The following PCED1B variants were observed in gnomAD, a reference collection of about 807,000 sequenced individuals.
PCED1B encodes the protein PC-esterase domain-containing protein 1B.
For synonymous variants in PCED1B, 251 were observed against 246.1 expected (o/e 1.02, Z -0.19); for missense variants, 573 against 573.9 (o/e 1.00, Z 0.02).
At chr12:47,215,721 C>T (rs73295517) in intron 2 of PCED1B, among the ~76,000 whole-genome samples, 70 of 152,240 alleles carry the variant, frequency 4.6e-4, no homozygotes, top group African/African-American at 1.6e-3. Flanking sequence ...AGCCATTTTT[C>T]CATCAAGACG....
chr12:47,135,891 G>T, intron 2 of PCED1B: 2 of 301,092 alleles, frequency 6.6e-6, no homozygotes, highest in South Asian at 3.5e-5. Context: ...GGTTTGGACA[G>T]TGTGGTTCAT....
chr12:47,177,948 A>C (rs972478366), intron 2 of PCED1B, among the ~76,000 whole-genome samples: 2 of 151,966 alleles, frequency 1.3e-5, no homozygotes, highest in African/African-American at 4.8e-5. Flanking sequence ...CCCTGTCTCA[A>C]AAAAAAAGTT....
chr12:47,112,972 T>C (rs1337315233), intron 2 of PCED1B, among the ~76,000 whole-genome samples: 1 of 152,234 alleles, frequency 6.6e-6, no homozygotes, highest in Non-Finnish European at 1.5e-5. Flanking sequence ...TCCTTTCCTC[T>C]TAACTGATAT....
At chr12:47,161,377 C>T (rs1018383932) in intron 2 of PCED1B, among the ~76,000 whole-genome samples, 4 of 152,186 alleles carry the variant, frequency 2.6e-5, no homozygotes, top group Non-Finnish European at 5.9e-5. Context: ...AAAATCATTT[C>T]ACCACATATG....
At chr12:47,230,037 G>A (rs1027420794) in intron 3 of PCED1B, among the ~76,000 whole-genome samples, 9 of 148,778 alleles carry the variant, frequency 6.0e-5, no homozygotes, top group African/African-American at 2.0e-4. Flanking sequence ...GCCTCCTAAA[G>A]TGCTGGGATT....
At chr12:47,157,206 T>TA (rs975582331) in intron 2 of PCED1B, among the ~76,000 whole-genome samples, 11 of 152,116 alleles carry the variant, frequency 7.2e-5, no homozygotes, top group Admixed American at 5.2e-4. Flanking sequence ...CCTGAACACA[T>TA]AAAAAATCCC....
intron 2 of PCED1B, among the ~76,000 whole-genome samples, chr12:47,160,762 A>G (rs944235823): frequency 3.3e-5 from 5 of 152,166 alleles, no homozygotes; most frequent in Non-Finnish European, 7.4e-5. Context: ...ACTAAAACTC[A>G]TATTGAAACC....
rs568868029 is a variant in PCED1B at position 47,125,055 on chromosome 12, A to G, written c.-526+20860A>G. Among the ~76,000 whole-genome samples the G allele has an allele frequency of 5.9e-5, 9 of 152,038 alleles. 1 individual carries two copies. The South Asian group carries it at 1.9e-3, about 32-fold the overall frequency. On this transcript the variant is annotated intron_variant, in intron 2 of 3. Coordinates refer to ENST00000546455, the MANE Select transcript of PCED1B (RefSeq NM_138371.3). The stretch of plus-strand genomic sequence containing the variant: ...TACCAAGTTTTGTTGTGTGGAGGGT[A>G]TTTTTGGTGTCAAACCTGAGAAATC...
At chr12:47,176,553 T>A (rs1941930729) in intron 2 of PCED1B, among the ~76,000 whole-genome samples, 1 of 152,218 alleles carries the variant, frequency 6.6e-6, no homozygotes, top group Non-Finnish European at 1.5e-5. Context: ...GTCCTATGCA[T>A]CTCTTCCATC....
At chr12:47,213,757 C>T (rs1291981849) in intron 2 of PCED1B, among the ~76,000 whole-genome samples, 3 of 152,116 alleles carry the variant, frequency 2.0e-5, no homozygotes. Flanking sequence ...TAAAAGATGG[C>T]TCACTGAGCT....
chr12:47,181,695 A>G (rs1482492356), intron 2 of PCED1B, among the ~76,000 whole-genome samples: 2 of 152,168 alleles, frequency 1.3e-5, no homozygotes, highest in East Asian at 3.8e-4. Flanking sequence ...TATATATTAG[A>G]AAGAATACTG....
intron 2 of PCED1B, among the ~76,000 whole-genome samples, chr12:47,147,728 C>G (rs776220322): frequency 6.6e-6 from 1 of 152,120 alleles, no homozygotes; most frequent in Non-Finnish European, 1.5e-5. Context: ...AATCTGATCA[C>G]TTAAGTAATC....
chr12:47,229,142 G>A (rs1333342961), intron 3 of PCED1B, among the ~76,000 whole-genome samples: 1 of 151,780 alleles, frequency 6.6e-6, no homozygotes, highest in Non-Finnish European at 1.5e-5. Flanking sequence ...GGCCGGGCAC[G>A]GTGGCTTACA....
chr12:47,082,584 A>G (rs150843982), intron 1 of PCED1B, among the ~76,000 whole-genome samples: 4 of 152,328 alleles, frequency 2.6e-5, no homozygotes. Context: ...AATGATGGTG[A>G]TAATAAATAT....
intron 2 of PCED1B, among the ~76,000 whole-genome samples, chr12:47,162,129 G>A (rs898447833): frequency 2.0e-5 from 3 of 151,022 alleles, no homozygotes; most frequent in Non-Finnish European, 2.9e-5. Flanking sequence ...GGTGGGGGGG[G>A]GAAGGATAGC....
chr12:47,080,431 T>C (rs1376956886), intron 1 of PCED1B, among the ~76,000 whole-genome samples: 1 of 152,144 alleles, frequency 6.6e-6, no homozygotes, highest in Non-Finnish European at 1.5e-5. Context: ...CCAAGTGCAG[T>C]TGACTGTCTG....
At chr12:47,123,623 A>G (rs898945058) in intron 2 of PCED1B, among the ~76,000 whole-genome samples, 5 of 152,094 alleles carry the variant, frequency 3.3e-5, no homozygotes, top group Admixed American at 3.3e-4. Context: ...TATTCAAGTA[A>G]AAACTCAGTG....
chr12:47,159,059 T>C (rs1324132443), intron 2 of PCED1B, among the ~76,000 whole-genome samples: 3 of 149,404 alleles, frequency 2.0e-5, no homozygotes, highest in Non-Finnish European at 4.5e-5. Flanking sequence ...TTCATATTGC[T>C]GCAAATGACA....
intron 2 of PCED1B, among the ~76,000 whole-genome samples, chr12:47,148,563 A>AC (rs1245742339): frequency 6.6e-6 from 1 of 152,188 alleles, no homozygotes; most frequent in Non-Finnish European, 1.5e-5. Flanking sequence ...CCCAGTCTTA[A>AC]TGGGGGATCC....
Sources: gnomAD v4.1 joint callset for allele counts (sites outside exome capture counted in the v4.1 genomes callset) on GRCh38, gnomAD v4.1.1 for gene constraint, MANE v1.5 for transcripts, NCBI Gene and HGNC (gene_info 2026-07-23, HGNC 2026-07-21) for gene names.